The following PRAMEF1 variants were observed in gnomAD, a reference collection of about 807,000 sequenced individuals.
PRAMEF1 encodes the protein PRAME family member 1.
PRAMEF1 carries 21 observed loss-of-function variants against 38.2 expected under a neutral mutation model. The ratio of observed to expected loss-of-function variants is 0.55; its 90% CI spans 0.39 to 0.79. The LOEUF (loss-of-function observed/expected upper bound fraction) is 0.79. PRAMEF1 is among the 30% of genes least tolerant of loss of function. The pLI is 0.00. For missense variants in PRAMEF1, 497 were observed against 565.8 expected (o/e 0.88, Z 1.23); for synonymous variants, 200 against 229.0 (o/e 0.87, Z 1.14).
intron 3 of PRAMEF1, 94 bp from the exon 4 acceptor site, chr1:12,795,344 T>C: frequency 8.4e-7 from 1 of 1,188,406 alleles, no homozygotes; most frequent in Non-Finnish European, 1.2e-6. Flanking sequence ...GGGAACAAAC[T>C]TGTGTTTGTT....
In PRAMEF1 at chr1:12,793,980, G is replaced by C. The variant is rs748029081; in HGVS notation, c.353G>C (p.Gly118Ala). 8.7e-6 allele frequency: 14 copies of C among 1,608,494 alleles called. 1 individual carries two copies. The highest frequency in any genetic ancestry group is 3.3e-5 in the Admixed American group (2 of 59,706). Residue 118 changes from glycine to alanine, a missense_variant, in exon 3 of 4, where the codon GGA becomes GCA. Coordinates refer to ENST00000332296, the MANE Select transcript of PRAMEF1 (RefSeq NM_023013.4). ...GAGAATTTCTGGGCCAGATGGCCTGGAGCCTGGGCCCTGTCCTGCTTCCCA... is the reference window on the plus strand; with the variant it reads ...GAGAATTTCTGGGCCAGATGGCCTGCAGCCTGGGCCCTGTCCTGCTTCCCA... ...VDENFWARWP[G>A]AWALSCFPET... is the part of the protein sequence containing the mutation.
Position 12,796,273 on chromosome 1 carries a change from A to C in PRAMEF1, c.*277A>C. The C allele has an allele frequency of 1.9e-6, 1 of 519,632 alleles. No individual in the cohort carries two copies. Among genetic ancestry groups the C allele is most frequent in the Non-Finnish European group, 3.3e-6 (1 of 304,894 alleles). 32.2% of individuals were successfully genotyped at this position (519,632 alleles called of 1,614,324 possible). ...ACTGTGTCCAGGCCACATGCAACTT[A>C]AAGGAAGCACAGGCAAGTGTTCAGT... On this transcript the variant is annotated 3_prime_UTR_variant, in exon 4 of 4. Coordinates refer to ENST00000332296, the MANE Select transcript of PRAMEF1 (RefSeq NM_023013.4).
chr1:12,793,267 G>A lies in PRAMEF1; in HGVS notation c.40G>A (p.Gly14Arg). 6.2e-7 allele frequency: 1 copy of A among 1,607,550 alleles called. No individual in the cohort carries two copies. Among genetic ancestry groups the A allele is most frequent in the Non-Finnish European group, 8.5e-7 (1 of 1,177,486 alleles). ...QAPPRLLELA[G>R]QSLLRDQALS... ...CCCACCCAGACTACTGGAGCTGGCA[G>A]GGCAGAGCCTGCTGAGAGACCAGGC... Residue 14 changes from glycine to arginine, a missense_variant, in exon 2 of 4, where the codon GGG becomes AGG. Physicochemically the swap from Gly to Arg is moderately radical, Grantham distance 125 (BLOSUM62 -2). Coordinates refer to ENST00000332296, the MANE Select transcript of PRAMEF1 (RefSeq NM_023013.4).
At position 12,794,009 on chromosome 1, in the gene PRAMEF1, A is replaced by T. The variant is rs1063763; in HGVS notation, c.382A>T (p.Thr128Ser). The stretch of plus-strand genomic sequence containing the variant: ...CTGGGCCCTGTCCTGCTTCCCAGAG[A>T]CCACGAGTAAGAGGCAGACAGCAGA... ...GAWALSCFPETTSKRQTAEDC... is the reference protein window; with the variant it reads ...GAWALSCFPESTSKRQTAEDC... The change falls in exon 3 of 4, where the codon ACC (threonine) becomes TCC (serine). Residue 128 changes from threonine to serine, a missense_variant. Coordinates refer to ENST00000332296, the MANE Select transcript of PRAMEF1 (RefSeq NM_023013.4). The T allele has an allele frequency of 1.9e-6, 3 of 1,607,776 alleles. No homozygotes were observed. The highest frequency in any genetic ancestry group is 1.7e-5 in the Admixed American group (1 of 59,658).
intron 1 of PRAMEF1, among the ~76,000 whole-genome samples, chr1:12,792,191 T>A (rs1280073844): frequency 6.6e-6 from 1 of 150,924 alleles, no homozygotes; most frequent in Non-Finnish European, 1.5e-5. Context: ...CCAGCTAATT[T>A]TTGTATTTTT....
rs764841182 is a variant in PRAMEF1, at chr1:12,795,556, T to C, written c.985T>C (p.Tyr329His). ...LGYLKHLNLS[Y>H]VLLFRISLEP... ...TTACCTAAAGCATCTGAATCTCAGC[T>C]ACGTGCTGCTGTTCCGCATCAGTCT... is the stretch of plus-strand genomic sequence containing the variant. Residue 329 changes from tyrosine (Y) to histidine (H), a missense_variant, in exon 4 of 4, where the codon TAC (tyrosine) becomes CAC (histidine). By Grantham distance (83) the Tyr-to-His change is moderately conservative (BLOSUM62 2). Transcript: ENST00000332296. The C allele has an allele frequency of 1.2e-6, 2 of 1,612,510 alleles. No individual in the cohort carries two copies. Among genetic ancestry groups the C allele is most frequent in the South Asian group, 2.2e-5 (2 of 90,980 alleles).
rs1008372924 is a variant in PRAMEF1 at position 12,796,390 on chromosome 1, C to A, written c.*394C>A. On this transcript the variant is annotated 3_prime_UTR_variant, in exon 4 of 4. Coordinates refer to ENST00000332296, the MANE Select transcript of PRAMEF1 (RefSeq NM_023013.4). ...ACTTCAGGGACCCGTGTCCTAGAGT[C>A]GGAAAGAGAAGCTAAAGTTCTACAG... 2.0e-5 allele frequency: 5 copies of A among 244,290 alleles called. No homozygotes were observed. Among genetic ancestry groups the A allele is most frequent in the Non-Finnish European group, 3.9e-5 (5 of 127,554 alleles). 15.1% of individuals were successfully genotyped at this position (244,290 alleles called of 1,614,324 possible). A position where few individuals can be genotyped will look rare whatever the true frequency, so the allele number is the denominator to read the frequency against.
intron 1 of PRAMEF1, among the ~76,000 whole-genome samples, chr1:12,792,541 T>C (rs557266517): frequency 6.6e-6 from 1 of 151,392 alleles, no homozygotes; most frequent in African/African-American, 2.4e-5. Context: ...CAGTCATGCA[T>C]GACCACACCT....
chr1:12,792,477 G>C (rs992515495), intron 1 of PRAMEF1, among the ~76,000 whole-genome samples: 1 of 151,196 alleles, frequency 6.6e-6, no homozygotes, highest in African/African-American at 2.4e-5. Context: ...TGGAAACTCT[G>C]CCTCTGGGCT....
chr1:12,795,438 G>C lies in PRAMEF1; in HGVS notation c.867G>C (p.Arg289Ser), dbSNP rs148941888. The stretch of plus-strand genomic sequence containing the variant: ...AGAACTAACTTCTTGATCTCCACAG[G>C]TGCCTCCAGAACCCCTTGGAGAACT... ...FFSGHLEQLI[R>S]CLQNPLENLE... Residue 289 changes from arginine to serine, a missense_variant and splice_region_variant, in exon 4 of 4, where the codon AGG becomes AGC. By Grantham distance (110) the Arg-to-Ser change is moderately radical (BLOSUM62 -1). This residue lies in a region of PRAMEF1 where 470 missense variants were observed against 501.9 expected (regional missense o/e 0.94). Coordinates refer to ENST00000332296, the MANE Select transcript of PRAMEF1 (RefSeq NM_023013.4). 6.8e-6 allele frequency: 11 copies of C among 1,610,854 alleles called. No homozygotes were observed. The South Asian group carries it at 9.9e-5, about 15-fold the overall frequency.
Position 12,795,748 on chromosome 1 carries a change from G to T in PRAMEF1, c.1177G>T (p.Ala393Ser). Residue 393 changes from alanine to serine, a missense_variant, in exon 4 of 4, where the codon GCC (alanine) becomes TCC (serine). Physicochemically the swap from Ala to Ser is moderately conservative, Grantham distance 99. This residue lies in a region of PRAMEF1 where 470 missense variants were observed against 501.9 expected (regional missense o/e 0.94). Coordinates refer to ENST00000332296, the MANE Select transcript of PRAMEF1 (RefSeq NM_023013.4). Reference sequence around the variant, plus strand: ...TGGCAGAAATTGCATGTCTATTGACGCCCTGAAGGACCTGCTGCGCCACAC... The same window carrying T: ...TGGCAGAAATTGCATGTCTATTGACTCCCTGAAGGACCTGCTGCGCCACAC... ...YFGRNCMSID[A>S]LKDLLRHTSG... 1.9e-6 allele frequency: 3 copies of T among 1,611,256 alleles called. No homozygotes were observed. The highest frequency in any genetic ancestry group is 2.5e-6 in the Non-Finnish European group (3 of 1,179,714).
chr1:12,795,866 C>G lies in PRAMEF1; in HGVS notation c.1295C>G (p.Pro432Arg), dbSNP rs1215184967. 6.2e-7 allele frequency: 1 copy of G among 1,611,040 alleles called. No individual in the cohort carries two copies. Among genetic ancestry groups the G allele is most frequent in the Non-Finnish European group, 8.5e-7 (1 of 1,179,696 alleles). The change falls in exon 4 of 4, where the codon CCA becomes CGA. Residue 432 changes from proline (P) to arginine (R), a missense_variant. Coordinates refer to ENST00000332296, the MANE Select transcript of PRAMEF1 (RefSeq NM_023013.4). Reference protein sequence around the residue: ...LVRVNWEIFTPLRAELMCTLR... With the variant: ...LVRVNWEIFTRLRAELMCTLR... ...CGTGTCAATTGGGAGATCTTCACCC[C>G]ACTTCGGGCTGAGCTGATGTGTACA...
rs199795521 is a variant in PRAMEF1, at chr1:12,794,385, G to C, written c.758G>C (p.Gly253Ala). ...TACACGTCAGATAATGAACTCGAAG[G>C]ACGGTTAGTTGCCAAATTCAGCTCT... Reference protein sequence around the residue: ...HHYTSDNELEGRLVAKFSSVF... With the variant: ...HHYTSDNELEARLVAKFSSVF... Residue 253 changes from glycine to alanine, a missense_variant, in exon 3 of 4, where the codon GGA becomes GCA. By Grantham distance (60) the Gly-to-Ala change is moderately conservative. Coordinates refer to ENST00000332296, the MANE Select transcript of PRAMEF1 (RefSeq NM_023013.4). The C allele has an allele frequency of 3.1e-6, 5 of 1,602,956 alleles. No homozygotes were observed. Among genetic ancestry groups the C allele is most frequent in the Non-Finnish European group, 3.4e-6 (4 of 1,173,280 alleles).
chr1:12,793,999 C>T lies in PRAMEF1; in HGVS notation c.372C>T (p.Cys124=), dbSNP rs770945803. 1 of 1,608,238 alleles carries T rather than the reference C, an allele frequency of 6.2e-7. No individual in the cohort carries two copies. Among genetic ancestry groups the T allele is most frequent in the South Asian group, 1.1e-5 (1 of 90,468 alleles). Reference sequence around the variant, plus strand: ...GGCCTGGAGCCTGGGCCCTGTCCTGCTTCCCAGAGACCACGAGTAAGAGGC... The same window carrying T: ...GGCCTGGAGCCTGGGCCCTGTCCTGTTTCCCAGAGACCACGAGTAAGAGGC... ...ARWPGAWALS[C]FPETTSKRQT... The change falls in exon 3 of 4, where the codon TGC becomes TGT. Residue 124 remains cysteine (C), a synonymous_variant. Transcript: ENST00000332296.
At position 12,795,424 on chromosome 1, in the gene PRAMEF1, CT is replaced by C. The variant is rs771229312; in HGVS notation, c.867-12del. 1 of 1,610,366 alleles carries C rather than the reference CT, an allele frequency of 6.2e-7. No homozygotes were observed. Among genetic ancestry groups the C allele is most frequent in the Non-Finnish European group, 8.5e-7 (1 of 1,177,966 alleles). ...TGGTATCACTGCCCAGAACTAACTT[CT>C]TGATCTCCACAGGTGCCTCCAGAAC... On this transcript the variant is annotated splice_polypyrimidine_tract_variant and intron_variant, in intron 3 of 3. Coordinates refer to ENST00000332296, the MANE Select transcript of PRAMEF1 (RefSeq NM_023013.4).
At position 12,793,908 on chromosome 1, in the gene PRAMEF1, C is replaced by T. The variant is rs372351629; in HGVS notation, c.288-7C>T. 5 of 1,608,436 alleles carry T rather than the reference C, an allele frequency of 3.1e-6. No homozygotes were observed. Among genetic ancestry groups the T allele is most frequent in the Admixed American group, 3.4e-5 (2 of 59,678 alleles). On this transcript the variant is annotated splice_polypyrimidine_tract_variant and splice_region_variant and intron_variant, in intron 2 of 3. Transcript: ENST00000332296. ...AATTCTGAGTCTCTCCCTTACTTTACCCACAGGAGGTGGAAACTTCAAGTG... is the reference window on the plus strand; with the variant it reads ...AATTCTGAGTCTCTCCCTTACTTTATCCACAGGAGGTGGAAACTTCAAGTG...
intron 1 of PRAMEF1, among the ~76,000 whole-genome samples, chr1:12,792,420 T>C (rs1469306550): frequency 6.6e-6 from 1 of 151,278 alleles, no homozygotes; most frequent in East Asian, 2.0e-4. Context: ...TGATGTACTC[T>C]GAGTGTGTCA....
Position 12,794,460 on chromosome 1 carries a change from C to A in PRAMEF1, c.833C>A (p.Thr278Asn). The change falls in exon 3 of 4, where the codon ACC (threonine) becomes AAC (asparagine). Residue 278 changes from threonine to asparagine, a missense_variant. Physicochemically the swap from Thr to Asn is moderately conservative, Grantham distance 65 (BLOSUM62 0). Coordinates refer to ENST00000332296, the MANE Select transcript of PRAMEF1 (RefSeq NM_023013.4). ...CAGTTGCTTAAAATAAAATTGATCA[C>A]CTTCTTCAGTGGGCACCTGGAACAG... Reference protein sequence around the residue: ...HLQLLKIKLITFFSGHLEQLI... With the variant: ...HLQLLKIKLINFFSGHLEQLI... 6.2e-7 allele frequency: 1 copy of A among 1,610,324 alleles called. No homozygotes were observed. The highest frequency in any genetic ancestry group is 8.5e-7 in the Non-Finnish European group (1 of 1,177,880).
rs143186065 is a variant in PRAMEF1, at chr1:12,795,542, A to G, written c.971A>G (p.His324Arg). The G allele has an allele frequency of 4.3e-6, 7 of 1,612,668 alleles. No homozygotes were observed. The highest frequency in any genetic ancestry group is 5.9e-6 in the Non-Finnish European group (7 of 1,179,720). ...TACCCAAGCCTCGGTTACCTAAAGC[A>G]TCTGAATCTCAGCTACGTGCTGCTG... ...SQYPSLGYLK[H>R]LNLSYVLLFR... Residue 324 changes from histidine to arginine, a missense_variant, in exon 4 of 4, where the codon CAT becomes CGT. Transcript: ENST00000332296.
Sources: allele counts gnomAD v4.1 joint callset (sites outside exome capture counted in the v4.1 genomes callset), GRCh38; gene constraint gnomAD v4.1.1; regional missense constraint gnomAD v4.1.1; transcripts MANE v1.5; gene names NCBI Gene and HGNC (gene_info 2026-07-23, HGNC 2026-07-21).